The following LYN variants were observed in gnomAD, a reference collection of about 807,000 sequenced individuals.
LYN encodes tyrosine-protein kinase Lyn.
LYN carries 12 observed loss-of-function variants against 65.0 expected under a neutral mutation model. The ratio of observed to expected loss-of-function variants is 0.18; its 90% CI spans 0.12 to 0.30. LYN has a LOEUF of 0.30. Among genes scored for constraint, LYN ranks in the 10% least tolerant of loss-of-function variants. The pLI, the probability that LYN is intolerant of heterozygous loss-of-function variation, is 1.00. For missense variants in LYN, 380 were observed against 623.2 expected, an observed-to-expected ratio of 0.61 and a Z score of 4.16; for synonymous variants, 222 against 221.2, an observed-to-expected ratio of 1.00 and a Z score of -0.03.
At chr8:55,910,359 C>T (rs7001010) in intron 1 of LYN, among the ~76,000 whole-genome samples, 104,271 of 152,070 alleles carry the variant, frequency 0.69, 35,868 homozygotes, top group East Asian at 0.95. Context: ...TTCATTCTTC[C>T]GCATATGGCA....
intron 10 of LYN, 37 bp from the exon 11 acceptor site, chr8:55,998,309 C>T (rs762709390): frequency 2.6e-5 from 41 of 1,577,206 alleles, no homozygotes; most frequent in Admixed American, 1.7e-4. Flanking sequence ...AGTCACCTAC[C>T]CTACATATGA....
chr8:55,950,059 A>G (rs980864570), intron 4 of LYN, among the ~76,000 whole-genome samples: 5 of 152,216 alleles, frequency 3.3e-5, no homozygotes, highest in African/African-American at 1.2e-4. Context: ...TTTATTTAGC[A>G]TAATGTTTTC....
chr8:55,999,950 G>A (rs929057865), intron 12 of LYN, among the ~76,000 whole-genome samples: 8 of 152,204 alleles, frequency 5.3e-5, no homozygotes, highest in South Asian at 2.1e-4. Context: ...CAGCCTACAC[G>A]ACAGAGTGAG....
intron 1 of LYN, among the ~76,000 whole-genome samples, chr8:55,914,350 A>T (rs1218292315): frequency 6.6e-6 from 1 of 152,118 alleles, no homozygotes; most frequent in Admixed American, 6.5e-5. Context: ...TGTATTTGAC[A>T]TGAAATATAC....
intron 1 of LYN, among the ~76,000 whole-genome samples, chr8:55,919,261 G>A (rs1035453925): frequency 1.3e-5 from 2 of 152,150 alleles, no homozygotes; most frequent in African/African-American, 4.8e-5. Flanking sequence ...TTATTGAAAA[G>A]AAGAGAAAGA....
chr8:55,902,603 CA>C (rs35994270), intron 1 of LYN: 136,746 of 302,490 alleles, frequency 0.45, 29,857 homozygotes, highest in African/African-American at 0.58. Context: ...ATATAGCATA[CA>C]AAAAAAAAAC....
intron 12 of LYN, among the ~76,000 whole-genome samples, chr8:56,003,532 G>T (rs1214468316): frequency 6.6e-6 from 1 of 152,106 alleles, no homozygotes; most frequent in Non-Finnish European, 1.5e-5. Context: ...GCCCGGCGTG[G>T]TGGCCAACGC....
At position 55,941,957 on chromosome 8, in the gene LYN, T is replaced by C. The variant is rs1210443703; in HGVS notation, c.98T>C (p.Val33Ala). 1 of 1,613,654 alleles carries C rather than the reference T, an allele frequency of 6.2e-7. No homozygotes were observed. Among genetic ancestry groups the C allele is most frequent in the East Asian group, 2.2e-5 (1 of 44,852 alleles). The change falls in exon 2 of 13, where the codon GTG (valine) becomes GCG (alanine). Residue 33 changes from valine (V) to alanine (A), a missense_variant. Val to Ala is a moderately conservative substitution (Grantham distance 64, BLOSUM62 0). Transcript: ENST00000519728. ...CGTAATACTGAAAGAACTATTTATG[T>C]GAGAGATCCAACGTCCAATAAACAG... is the stretch of plus-strand genomic sequence containing the variant. ...PVRNTERTIY[V>A]RDPTSNKQQR...
At chr8:55,939,056 G>A (rs762405909) in intron 1 of LYN, among the ~76,000 whole-genome samples, 71 of 152,362 alleles carry the variant, frequency 4.7e-4, no homozygotes, top group African/African-American at 1.5e-3. Context: ...CTTGGAACAT[G>A]TAACCACTCT....
intron 1 of LYN, among the ~76,000 whole-genome samples, chr8:55,918,130 G>A (rs1015589802): frequency 2.0e-5 from 3 of 152,208 alleles, no homozygotes; most frequent in Non-Finnish European, 2.9e-5. Flanking sequence ...CGCTGATGCT[G>A]GCTCGACTCA....
intron 7 of LYN, among the ~76,000 whole-genome samples, chr8:55,953,505 G>T (rs1451787747): frequency 6.6e-6 from 1 of 152,026 alleles, no homozygotes; most frequent in South Asian, 2.1e-4. Context: ...AAAACTAGCT[G>T]GGCATAGTGG....
rs546599670 is a variant in LYN, at chr8:56,013,270, CTTT to C, written c.*3174_*3176del. Reference sequence around the variant, plus strand: ...TGTGGAGTCTGCTTTCTCGCTCTCTCTTTTTTTTTTTTTTTTGACAGAGTCTCA... The same window carrying C: ...TGTGGAGTCTGCTTTCTCGCTCTCTCTTTTTTTTTTTTTGACAGAGTCTCA... On this transcript the variant is annotated 3_prime_UTR_variant, in exon 13 of 13. Coordinates refer to ENST00000519728, the MANE Select transcript of LYN (RefSeq NM_002350.4). 4 of 104,830 alleles carry C rather than the reference CTTT, an allele frequency of 3.8e-5. No homozygotes were observed. The highest frequency in any genetic ancestry group is 4.8e-5 in the Non-Finnish European group (2 of 41,410). The allele number at this position is 104,830 out of a possible 1,614,324, so 6.5% of individuals were successfully genotyped here. A position where few individuals can be genotyped will look rare whatever the true frequency, so the allele number is the denominator to read the frequency against.
chr8:55,896,665 TA>T (rs1805112610), intron 1 of LYN, among the ~76,000 whole-genome samples: 2 of 151,792 alleles, frequency 1.3e-5, no homozygotes, highest in South Asian at 2.1e-4. Context: ...AAAAAAATTT[TA>T]AAAAAAAGAA....
intron 4 of LYN, 88 bp downstream of exon 4, chr8:55,947,811 C>G: frequency 1.1e-6 from 1 of 890,758 alleles, no homozygotes; most frequent in Non-Finnish European, 1.9e-6. Flanking sequence ...TCTGGTGCTA[C>G]AGCCATAGCC....
At chr8:56,006,496 T>G (rs1277233221) in intron 12 of LYN, among the ~76,000 whole-genome samples, 1 of 152,166 alleles carries the variant, frequency 6.6e-6, no homozygotes, top group Admixed American at 6.5e-5. Flanking sequence ...TTTTCTCTAC[T>G]GTACCACATT....
chr8:55,973,487 T>G (rs1807665303), intron 10 of LYN, among the ~76,000 whole-genome samples: 1 of 152,238 alleles, frequency 6.6e-6, no homozygotes, highest in African/African-American at 2.4e-5. Context: ...GCAGAGAGAC[T>G]TTGCATAATT....
intron 1 of LYN, among the ~76,000 whole-genome samples, chr8:55,888,928 C>T (rs1244681157): frequency 6.6e-6 from 1 of 152,166 alleles, no homozygotes; most frequent in Non-Finnish European, 1.5e-5. Flanking sequence ...TTTTGTCTTT[C>T]AGAACCACAC....
At chr8:55,953,111 G>A (rs1343403806) in intron 7 of LYN, among the ~76,000 whole-genome samples, 1 of 152,196 alleles carries the variant, frequency 6.6e-6, no homozygotes, top group African/African-American at 2.4e-5. Context: ...GTGTGCATCC[G>A]GCACATGCTG....
intron 7 of LYN, among the ~76,000 whole-genome samples, chr8:55,952,532 C>T (rs891946162): frequency 6.6e-6 from 1 of 152,196 alleles, no homozygotes; most frequent in South Asian, 2.1e-4. Context: ...TGCACTCCAG[C>T]CTGGGTGACA....
Sources: gnomAD v4.1 joint callset for allele counts (sites outside exome capture counted in the v4.1 genomes callset) on GRCh38, gnomAD v4.1.1 for gene constraint, MANE v1.5 for transcripts, NCBI Gene and HGNC (gene_info 2026-07-23, HGNC 2026-07-21) for gene names.